The following PLXNA4 variants were observed in gnomAD, a reference collection of about 807,000 sequenced individuals.
The protein encoded by PLXNA4 is plexin A4.
In PLXNA4, 44 loss-of-function variants were observed where a neutral mutation model predicts 191.8. The ratio of observed to expected loss-of-function variants is 0.23; its 90% CI spans 0.18 to 0.29. The LOEUF (loss-of-function observed/expected upper bound fraction) is 0.29, where lower values mean the gene tolerates loss of function less well. PLXNA4 is among the 10% of genes least tolerant of loss of function. PLXNA4 has a pLI of 1.00. For missense variants in PLXNA4, 1,800 were observed against 2,488.8 expected (o/e 0.72, Z 5.89); for synonymous variants, 1,082 against 1,009.5 (o/e 1.07, Z -1.36).
At chr7:132,521,459 T>C (rs1799181145) in intron 1 of PLXNA4, among the ~76,000 whole-genome samples, 1 of 152,186 alleles carries the variant, frequency 6.6e-6, no homozygotes, top group Non-Finnish European at 1.5e-5. Flanking sequence ...AATTAACACG[T>C]GCTTTAAGGA....
At chr7:132,632,998 C>T (rs1347891787) in intron 2 of PLXNA4, among the ~76,000 whole-genome samples, 4 of 152,058 alleles carry the variant, frequency 2.6e-5, no homozygotes, top group African/African-American at 9.7e-5. Flanking sequence ...AGCTTCAACC[C>T]TGGGAACATC....
intron 1 of PLXNA4, among the ~76,000 whole-genome samples, chr7:132,541,829 T>G (rs538502779): frequency 6.6e-6 from 1 of 152,334 alleles, no homozygotes; most frequent in East Asian, 1.9e-4. Context: ...CTGCTCAGAT[T>G]CTAACAGATC....
chr7:132,322,620 T>C (rs2042513), intron 3 of PLXNA4, among the ~76,000 whole-genome samples: 77,021 of 152,064 alleles, frequency 0.51, 21,675 homozygotes, highest in East Asian at 0.81. Context: ...CTCAGGACCA[T>C]TCTCTAGTTT....
At chr7:132,598,248 A>G (rs1336876987) in intron 2 of PLXNA4, among the ~76,000 whole-genome samples, 1 of 152,114 alleles carries the variant, frequency 6.6e-6, no homozygotes, top group Non-Finnish European at 1.5e-5. Flanking sequence ...AGCTGGGACT[A>G]CAGGTGCTCA....
At chr7:132,211,185 C>A in intron 9 of PLXNA4, 42 bp from the exon 10 acceptor site, 1 of 1,537,500 alleles carries the variant, frequency 6.5e-7, no homozygotes. Flanking sequence ...AGCCAGGAAA[C>A]CAAATGAGCA....
At chr7:132,393,725 C>A (rs936140378) in intron 3 of PLXNA4, among the ~76,000 whole-genome samples, 9 of 152,112 alleles carry the variant, frequency 5.9e-5, no homozygotes, top group African/African-American at 1.9e-4. Context: ...TGGTGGGAAT[C>A]CACAGAAGAG....
At chr7:132,248,994 C>T (rs1799154318) in intron 4 of PLXNA4, among the ~76,000 whole-genome samples, 1 of 152,186 alleles carries the variant, frequency 6.6e-6, no homozygotes. Flanking sequence ...GGCACAGGGT[C>T]AAGGGCAGCA....
At chr7:132,327,165 A>C (rs1484105393) in intron 3 of PLXNA4, among the ~76,000 whole-genome samples, 1 of 97,126 alleles carries the variant, frequency 1.0e-5, no homozygotes, top group Non-Finnish European at 2.0e-5. Flanking sequence ...GGAGAAAAGG[A>C]AGGCAAAAAA....
At chr7:132,199,800 T>G (rs1329780754) in intron 12 of PLXNA4, among the ~76,000 whole-genome samples, 1 of 152,212 alleles carries the variant, frequency 6.6e-6, no homozygotes, top group Non-Finnish European at 1.5e-5. Flanking sequence ...CAGGTGAGAC[T>G]GCTTACCTGC....
chr7:132,413,169 G>A (rs922706550), intron 3 of PLXNA4, among the ~76,000 whole-genome samples: 4 of 152,056 alleles, frequency 2.6e-5, no homozygotes, highest in African/African-American at 7.2e-5. Context: ...CTGAGGCCTG[G>A]GCAAGTCCAG....
At chr7:132,179,583 T>A in intron 20 of PLXNA4, 104 bp downstream of exon 20, 1 of 1,487,060 alleles carries the variant, frequency 6.7e-7, no homozygotes. Flanking sequence ...CCCAGCCTGC[T>A]TGTTTGTATA....
chr7:132,621,442 A>G (rs1803265332), intron 2 of PLXNA4, among the ~76,000 whole-genome samples: 1 of 151,084 alleles, frequency 6.6e-6, no homozygotes, highest in South Asian at 2.1e-4. Flanking sequence ...TGTATTTTTA[A>G]CAGAGACGGG....
Position 132,469,596 on chromosome 7 carries a change from T to C in PLXNA4, c.1371+19696A>G, listed in dbSNP as rs577506246. On this transcript the variant is annotated intron_variant, in intron 3 of 31. Transcript: ENST00000321063. ...TTCCTGAAACAGGGCTCCATTTGGA[T>C]GCTTTGCAAAGCCAAGCAGAGAACA... Among the ~76,000 whole-genome samples, 34 of 152,342 alleles carry C rather than the reference T, an allele frequency of 2.2e-4. 1 individual carries two copies. The highest frequency in any genetic ancestry group is 7.9e-4 in the African/African-American group (33 of 41,570).
chr7:132,564,446 T>C (rs1376948667), intron 1 of PLXNA4, among the ~76,000 whole-genome samples: 1 of 151,920 alleles, frequency 6.6e-6, no homozygotes, highest in African/African-American at 2.4e-5. Context: ...CATGTCCTGC[T>C]TTTCATAACT....
chr7:132,248,704 A>G (rs924536043), intron 4 of PLXNA4, among the ~76,000 whole-genome samples: 4 of 152,212 alleles, frequency 2.6e-5, no homozygotes, highest in African/African-American at 7.2e-5. Flanking sequence ...ATAGATCTAC[A>G]GATCTCAGGA....
rs559253136 is a variant in PLXNA4 at position 132,396,717 on chromosome 7, C to G, written c.1371+92575G>C. Among the ~76,000 whole-genome samples the G allele has an allele frequency of 4.2e-4, 64 of 152,350 alleles. No individual in the cohort carries two copies. In the South Asian group the frequency reaches 0.013, roughly 32 times the overall value. On this transcript the variant is annotated intron_variant, in intron 3 of 31. Transcript: ENST00000321063. The stretch of plus-strand genomic sequence containing the variant: ...CATGAGATGAGGCTGGTTTCAAACT[C>G]TTGGCCTCAAGTGATCCACCTGCCT...
At chr7:132,648,197 A>G (rs927181785) in intron 1 of PLXNA4, among the ~76,000 whole-genome samples, 1 of 152,122 alleles carries the variant, frequency 6.6e-6, no homozygotes, top group Non-Finnish European at 1.5e-5. Flanking sequence ...TGTGTCACAC[A>G]CACATATGCA....
chr7:132,161,240 T>C (rs111697653), intron 24 of PLXNA4, among the ~76,000 whole-genome samples: 3,414 of 152,348 alleles, frequency 0.022, 48 homozygotes, highest in Non-Finnish European at 0.034. Context: ...GGCTGCCACC[T>C]AAACGTAATC....
intron 3 of PLXNA4, among the ~76,000 whole-genome samples, chr7:132,337,628 C>T (rs933803905): frequency 6.6e-6 from 1 of 152,194 alleles, no homozygotes; most frequent in African/African-American, 2.4e-5. Flanking sequence ...AATGCTGGAA[C>T]ATTCTCTTCC....
Sources: allele counts gnomAD v4.1 joint callset (sites outside exome capture counted in the v4.1 genomes callset), GRCh38; gene constraint gnomAD v4.1.1; transcripts MANE v1.5; gene names NCBI Gene and HGNC (gene_info 2026-07-23, HGNC 2026-07-21).